Variants in SLC16A7 observed in about 807,000 individuals in gnomAD.
SLC16A7 encodes the protein monocarboxylate transporter 2.
Under a neutral mutation model 34.9 loss-of-function variants are expected in SLC16A7, and 33 were observed. The observed-to-expected ratio is 0.94, with a 90% CI of 0.72 to 1.26. The LOEUF is 1.26. Among genes scored for constraint, SLC16A7 ranks in the 50% most tolerant of loss-of-function variants. SLC16A7 has a pLI of 0.00. For missense variants in SLC16A7, 573 were observed against 578.1 expected, an observed-to-expected ratio of 0.99 and a Z score of 0.09; for synonymous variants, 201 against 206.6, an observed-to-expected ratio of 0.97 and a Z score of 0.23.
intron 2 of SLC16A7, among the ~76,000 whole-genome samples, chr12:59,681,665 C>A (rs1363181518): frequency 6.6e-6 from 1 of 152,094 alleles, no homozygotes. Context: ...TCTCACCTTG[C>A]AGCTCCTTTC....
intron 2 of SLC16A7, among the ~76,000 whole-genome samples, chr12:59,681,602 A>T (rs1497473): frequency 0.071 from 10,831 of 152,256 alleles, 429 homozygotes; most frequent in Middle Eastern, 0.17. Context: ...CCTACAAGTT[A>T]GAGAGATTTA....
At chr12:59,667,623 G>C (rs1421897367) in intron 2 of SLC16A7, among the ~76,000 whole-genome samples, 1 of 152,212 alleles carries the variant, frequency 6.6e-6, no homozygotes, top group Non-Finnish European at 1.5e-5. Context: ...GAGCATAAAA[G>C]TTTGAAAAAT....
intron 2 of SLC16A7, among the ~76,000 whole-genome samples, chr12:59,686,080 T>G (rs1282808150): frequency 6.7e-6 from 1 of 149,036 alleles, no homozygotes; most frequent in Non-Finnish European, 1.5e-5. Context: ...AGTGATTCTT[T>G]CAAAAAGAAC....
At chr12:59,632,057 T>G (rs1485711400) in intron 1 of SLC16A7, among the ~76,000 whole-genome samples, 1 of 151,942 alleles carries the variant, frequency 6.6e-6, no homozygotes, top group Non-Finnish European at 1.5e-5. Context: ...GGTCACATTT[T>G]TATGGGAAGA....
At position 59,789,153 on chromosome 12, in the gene SLC16A7, A is replaced by C. The variant is rs1241188937; in HGVS notation, c.*9474A>C. On this transcript the variant is annotated 3_prime_UTR_variant, in exon 6 of 6. Coordinates refer to ENST00000547379, the MANE Select transcript of SLC16A7 (RefSeq NM_001270623.2). The stretch of plus-strand genomic sequence containing the variant: ...AGGATGTTATTTTAGTTATAATGAC[A>C]ACTTTAATATCTAGCAAAGTGCCAG... The C allele has an allele frequency of 6.6e-6, 1 of 152,104 alleles. No homozygotes were observed. Among genetic ancestry groups the C allele is most frequent in the Admixed American group, 6.6e-5 (1 of 15,258 alleles). The allele number at this position is 152,104 out of a possible 1,614,324, so 9.4% of individuals were successfully genotyped here. A position where few individuals can be genotyped will look rare whatever the true frequency, so the allele number is the denominator to read the frequency against.
intron 1 of SLC16A7, among the ~76,000 whole-genome samples, chr12:59,614,034 T>TA (rs1161874529): frequency 6.6e-6 from 1 of 151,136 alleles, no homozygotes; most frequent in Non-Finnish European, 1.5e-5. Flanking sequence ...TGCTCCCAGA[T>TA]AGTCTATTGG....
chr12:59,679,311 C>T (rs191384741), intron 2 of SLC16A7, among the ~76,000 whole-genome samples: 36 of 152,276 alleles, frequency 2.4e-4, no homozygotes, highest in East Asian at 3.9e-4. Context: ...CGCCTATTCC[C>T]GGCTATTTGG....
chr12:59,605,550 A>T lies in SLC16A7; in HGVS notation c.-130+9314A>T, dbSNP rs73357270. ...CCTCTGACATATTTTAAGGCATAGA[A>T]TGCAGTACTTTAACAACTATTTATT... On this transcript the variant is annotated intron_variant, in intron 1 of 5. Coordinates refer to ENST00000547379, the MANE Select transcript of SLC16A7 (RefSeq NM_001270623.2). 3.1e-3 allele frequency among the ~76,000 whole-genome samples: 479 copies of T among 152,330 alleles called. 1 individual carries two copies. The highest frequency in any genetic ancestry group is 0.011 in the African/African-American group (456 of 41,570).
chr12:59,705,990 G>A (rs559807555), intron 3 of SLC16A7, among the ~76,000 whole-genome samples: 1 of 152,194 alleles, frequency 6.6e-6, no homozygotes, highest in Non-Finnish European at 1.5e-5. Flanking sequence ...CTTAATATGT[G>A]TGATATGACT....
At chr12:59,734,981 C>T (rs1877416346) in intron 3 of SLC16A7, among the ~76,000 whole-genome samples, 1 of 152,170 alleles carries the variant, frequency 6.6e-6, no homozygotes, top group Admixed American at 6.5e-5. Context: ...AAGCCCAATG[C>T]ATTTTCTGTA....
intron 3 of SLC16A7, among the ~76,000 whole-genome samples, chr12:59,746,180 A>G (rs1878870343): frequency 6.6e-6 from 1 of 152,222 alleles, no homozygotes; most frequent in Non-Finnish European, 1.5e-5. Context: ...ACTGTCTTCG[A>G]AGTATATTTA....
chr12:59,596,816 T>TG lies in SLC16A7; in HGVS notation c.-130+587dup, dbSNP rs920848529. Among the ~76,000 whole-genome samples the TG allele has an allele frequency of 5.9e-5, 9 of 151,816 alleles. No homozygotes were observed. Among genetic ancestry groups the TG allele is most frequent in the African/African-American group, 1.2e-4 (5 of 41,336 alleles). ...GAGGGGAAGACGAAATACCGGGGGATGGGGGGGTTGTCTTTCTTCATTTTT... is the reference window on the plus strand; with the variant it reads ...GAGGGGAAGACGAAATACCGGGGGATGGGGGGGGTTGTCTTTCTTCATTTTT... On this transcript the variant is annotated intron_variant, in intron 1 of 5. Transcript: ENST00000547379. The surrounding 1 kb of genome is among the most constrained non-coding windows in gnomAD (Gnocchi z 5.0).
intron 3 of SLC16A7, among the ~76,000 whole-genome samples, chr12:59,730,143 G>T (rs1331461832): frequency 6.6e-6 from 1 of 151,666 alleles, no homozygotes; most frequent in Non-Finnish European, 1.5e-5. Context: ...GCTTGCAGGT[G>T]TCCACATCAG....
At chr12:59,761,079 G>T in intron 3 of SLC16A7, 2 of 810,822 alleles carry the variant, frequency 2.5e-6, no homozygotes, top group Non-Finnish European at 3.6e-6. Context: ...TTGACAATAT[G>T]ATATTTAATT....
chr12:59,608,178 T>C (rs543276194), intron 1 of SLC16A7, among the ~76,000 whole-genome samples: 139 of 152,346 alleles, frequency 9.1e-4, no homozygotes, highest in African/African-American at 3.3e-3. Flanking sequence ...ACAACTCTTT[T>C]TCTCTTTACC....
intron 5 of SLC16A7, 56 bp from the exon 6 acceptor site, chr12:59,779,367 T>TATC (rs1453876009): frequency 7.7e-7 from 1 of 1,296,548 alleles, no homozygotes; most frequent in Non-Finnish European, 1.1e-6. Context: ...TTTGAATTTT[T>TATC]ATCATTATAT....
intron 3 of SLC16A7, among the ~76,000 whole-genome samples, chr12:59,706,708 A>G (rs1873626935): frequency 6.6e-6 from 1 of 152,252 alleles, no homozygotes; most frequent in South Asian, 2.1e-4. Context: ...TTGCTAGAGC[A>G]GCACACAGTC....
intron 1 of SLC16A7, among the ~76,000 whole-genome samples, chr12:59,644,057 T>G (rs974068939): frequency 7.2e-5 from 11 of 152,196 alleles, no homozygotes; most frequent in South Asian, 6.2e-4. Flanking sequence ...CAGCATTTGA[T>G]AAGTTTGAAT....
intron 3 of SLC16A7, among the ~76,000 whole-genome samples, chr12:59,753,723 C>T (rs1364541487): frequency 6.6e-6 from 1 of 152,108 alleles, no homozygotes; most frequent in South Asian, 2.1e-4. Flanking sequence ...CAAGGATACC[C>T]AGGAATTGAA....
Sources: gnomAD v4.1 joint callset for allele counts (sites outside exome capture counted in the v4.1 genomes callset) on GRCh38, gnomAD v4.1.1 for gene constraint, Gnocchi (gnomAD v3.1) non-coding constraint, MANE v1.5 for transcripts, NCBI Gene and HGNC (gene_info 2026-07-23, HGNC 2026-07-21) for gene names.